PRR27: variants seen among roughly 807,000 people sequenced by gnomAD.
PRR27 encodes the protein proline-rich protein 27.
A neutral mutation model predicts 16.8 loss-of-function variants in PRR27; 12 were observed. That is an observed-to-expected ratio of 0.71 (90% CI 0.46 to 1.16). PRR27 has a LOEUF of 1.16. Among genes scored for constraint, PRR27 ranks in the 50% most tolerant of loss-of-function variants. PRR27 has a pLI of 0.00. For synonymous variants in PRR27, 100 were observed against 98.4 expected (o/e 1.02, Z -0.10); for missense variants, 277 against 273.3 (o/e 1.01, Z -0.10).
rs371303125 is a variant in PRR27 at position 70,161,156 on chromosome 4, GTATATA to G, written c.649-411_649-406del. 5.4e-3 allele frequency among the ~76,000 whole-genome samples: 504 copies of G among 93,910 alleles called. 13 individuals carry two copies. The highest frequency in any genetic ancestry group is 0.022 in the African/African-American group (466 of 21,072). 61.6% of individuals were successfully genotyped at this position (93,910 alleles called of 152,430 possible). ...CATCTGCTGGGGTATTATGAACACT[GTATATA>G]TATATATATATATATATACACACAT... On this transcript the variant is annotated intron_variant, in intron 3 of 4. Coordinates refer to ENST00000344526, the MANE Select transcript of PRR27 (RefSeq NM_214711.4).
chr4:70,156,349 A>G (rs757601450), intron 2 of PRR27, among the ~76,000 whole-genome samples: 6 of 152,200 alleles, frequency 3.9e-5, no homozygotes, highest in Non-Finnish European at 8.8e-5. Context: ...TGCCATGCCA[A>G]GGTTTTCCCC....
At position 70,158,524 on chromosome 4, in the gene PRR27, GTGGTT is replaced by G; in HGVS notation, c.274_278del (p.Gly92SerfsTer14). 6.2e-7 allele frequency: 1 copy of G among 1,614,066 alleles called. No individual in the cohort carries two copies. The highest frequency in any genetic ancestry group is 1.1e-5 in the South Asian group (1 of 91,080). ...GGATTCCCCTATGTCTATCACATCC[GTGGTT>G]TTCCCTTAGCTACTCAGTTGAATGT... On this transcript the variant is annotated frameshift_variant, in exon 3 of 5. Coordinates refer to ENST00000344526, the MANE Select transcript of PRR27 (RefSeq NM_214711.4). LOFTEE classifies it high-confidence loss of function.
chr4:70,162,755 C>T lies in PRR27; in HGVS notation c.*94C>T, dbSNP rs1357598159. ...TTTCTTTCTTTTCCAAAGACTATTT[C>T]ATTCTGTTGTATTCAGAGTATTCAT... is the stretch of plus-strand genomic sequence containing the variant. On this transcript the variant is annotated 3_prime_UTR_variant, in exon 5 of 5. Transcript: ENST00000344526. 3 of 152,104 alleles carry T rather than the reference C, an allele frequency of 2.0e-5. No individual in the cohort carries two copies. The highest frequency in any genetic ancestry group is 7.2e-5 in the African/African-American group (3 of 41,418). 9.4% of individuals were successfully genotyped at this position (152,104 alleles called of 1,614,324 possible).
At position 70,163,065 on chromosome 4, in the gene PRR27, A is replaced by T. The variant is rs1192301385; in HGVS notation, c.*404A>T. 2.0e-5 allele frequency: 3 copies of T among 152,192 alleles called. No homozygotes were observed. Among genetic ancestry groups the T allele is most frequent in the African/African-American group, 7.2e-5 (3 of 41,444 alleles). The allele number at this position is 152,192 out of a possible 1,614,324, so 9.4% of individuals were successfully genotyped here. On this transcript the variant is annotated 3_prime_UTR_variant, in exon 5 of 5. Transcript: ENST00000344526. ...ACTTTTTGTCACAAAACAGTAAAACATCTGTGTTTAACCTATGGTAAACAA... is the reference window on the plus strand; with the variant it reads ...ACTTTTTGTCACAAAACAGTAAAACTTCTGTGTTTAACCTATGGTAAACAA...
At position 70,160,443 on chromosome 4, in the gene PRR27, C is replaced by CTCTCTCTCTCTCTGTGTGTGTG. The variant is rs1298386504; in HGVS notation, c.649-1142_649-1141insCTCTCTCTCTCTGTGTGTGTGT. Among the ~76,000 whole-genome samples the CTCTCTCTCTCTCTGTGTGTGTG allele has an allele frequency of 9.6e-4, 66 of 68,696 alleles. 1 individual carries two copies. The highest frequency in any genetic ancestry group is 2.6e-3 in the South Asian group (3 of 1,164). 45.1% of individuals were successfully genotyped at this position (68,696 alleles called of 152,430 possible). On this transcript the variant is annotated intron_variant, in intron 3 of 4. Transcript: ENST00000344526. The stretch of plus-strand genomic sequence containing the variant: ...TCTCTCTCTCTCTCTCTCTCTCTCT[C>CTCTCTCTCTCTCTGTGTGTGTG]TGTGTGTGTGTGTGTGTGTGTGTGT...
At chr4:70,158,289 C>A (rs368529583) in intron 2 of PRR27, 39 bp from the exon 3 acceptor site, 3 of 571,402 alleles carry the variant, frequency 5.3e-6, no homozygotes, top group Admixed American at 3.8e-5. Flanking sequence ...ATAGACAGGA[C>A]AAATACAATC....
chr4:70,164,597 C>A lies in PRR27; in HGVS notation c.*1936C>A, dbSNP rs945447983. 2.6e-5 allele frequency: 4 copies of A among 152,046 alleles called. No homozygotes were observed. Among genetic ancestry groups the A allele is most frequent in the Non-Finnish European group, 5.9e-5 (4 of 67,982 alleles). The allele number at this position is 152,046 out of a possible 1,614,324, so 9.4% of individuals were successfully genotyped here. A position where few individuals can be genotyped will look rare whatever the true frequency, so the allele number is the denominator to read the frequency against. ...GTCTTTCACAGATACATGCAATATT[C>A]ACTTCTAAATATTTAATGATAAATT... On this transcript the variant is annotated 3_prime_UTR_variant, in exon 5 of 5. Transcript: ENST00000344526.
Position 70,156,076 on chromosome 4 carries a change from AG to A in PRR27, c.75+1del. 7.0e-7 allele frequency: 1 copy of A among 1,424,550 alleles called. No homozygotes were observed. The highest frequency in any genetic ancestry group is 1.4e-5 in the South Asian group (1 of 71,282). The allele number at this position is 1,424,550 out of a possible 1,614,324, so 88.2% of individuals were successfully genotyped here. ...ARKRRFPFIG[E>X]DDNDDGHPLH... is the part of the protein sequence containing the mutation. The stretch of plus-strand genomic sequence containing the variant: ...TAGAGACGGTTCCCCTTCATTGGTG[AG>A]GTAAAACTTTTTTTTCTTTACACGC... On this transcript the variant is annotated frameshift_variant and splice_region_variant, in exon 2 of 5. Coordinates refer to ENST00000344526, the MANE Select transcript of PRR27 (RefSeq NM_214711.4). LOFTEE classifies it high-confidence loss of function.
chr4:70,155,662 C>T (rs866534582), intron 1 of PRR27, among the ~76,000 whole-genome samples: 1 of 151,350 alleles, frequency 6.6e-6, no homozygotes, highest in Non-Finnish European at 1.5e-5. Context: ...CCATTGCGCC[C>T]GTCGCAAAGG....
chr4:70,161,185 CAT>C (rs1560470564), intron 3 of PRR27, among the ~76,000 whole-genome samples: 32 of 48,566 alleles, frequency 6.6e-4, no homozygotes, highest in Non-Finnish European at 9.4e-4. Flanking sequence ...TATATACACA[CAT>C]ACATATATAT....
At chr4:70,155,922 T>G in intron 1 of PRR27, 132 bp from the exon 2 acceptor site, 1 of 595,364 alleles carries the variant, frequency 1.7e-6, no homozygotes, top group Non-Finnish European at 3.0e-6. Flanking sequence ...AAATTCATAT[T>G]AGTTACTCAA....
At chr4:70,162,322 A>C (rs1335765693) in intron 4 of PRR27, among the ~76,000 whole-genome samples, 1 of 152,230 alleles carries the variant, frequency 6.6e-6, no homozygotes, top group African/African-American at 2.4e-5. Context: ...ATTGAAAAGC[A>C]AATGTGATGG....
intron 1 of PRR27, among the ~76,000 whole-genome samples, chr4:70,155,479 C>T (rs964720588): frequency 2.0e-5 from 3 of 151,996 alleles, no homozygotes; most frequent in African/African-American, 7.2e-5. Context: ...ATTCTCCTGC[C>T]TCACTCAGCC....
Position 70,166,349 on chromosome 4 carries a change from T to C in PRR27, c.*3688T>C, listed in dbSNP as rs1728766883. The C allele has an allele frequency of 6.6e-6, 1 of 152,098 alleles. No individual in the cohort carries two copies. Among genetic ancestry groups the C allele is most frequent in the African/African-American group, 2.4e-5 (1 of 41,442 alleles). The allele number at this position is 152,098 out of a possible 1,614,324, so 9.4% of individuals were successfully genotyped here. On this transcript the variant is annotated 3_prime_UTR_variant, in exon 5 of 5. Coordinates refer to ENST00000344526, the MANE Select transcript of PRR27 (RefSeq NM_214711.4). ...TTCATTATTTATATTATCACATGCA[T>C]ATATGTGTGTATGTATATATGTGTG...
At chr4:70,161,723 A>G in intron 4 of PRR27, 93 bp downstream of exon 4, 1 of 540,418 alleles carries the variant, frequency 1.9e-6, no homozygotes, top group South Asian at 4.2e-5. Flanking sequence ...TATATTTTTT[A>G]CTACATGAAA....
chr4:70,160,437 C>G (rs375059480), intron 3 of PRR27, among the ~76,000 whole-genome samples: 1,503 of 77,776 alleles, frequency 0.019, 13 homozygotes, highest in South Asian at 0.051. Flanking sequence ...CTCTCTCTCT[C>G]TCTCTCTGTG....
Position 70,157,527 on chromosome 4 carries a change from A to G in PRR27, c.76-801A>G, listed in dbSNP as rs372657090. Among the ~76,000 whole-genome samples the G allele has an allele frequency of 8.6e-5, 13 of 151,678 alleles. No homozygotes were observed. The East Asian group carries it at 2.1e-3, about 25-fold the overall frequency. ...GTCTTGTTTATTTATTTTTATTTATATATATTTTTTGAGACAGAGTCTCAC... is the reference window on the plus strand; with the variant it reads ...GTCTTGTTTATTTATTTTTATTTATGTATATTTTTTGAGACAGAGTCTCAC... On this transcript the variant is annotated intron_variant, in intron 2 of 4. Coordinates refer to ENST00000344526, the MANE Select transcript of PRR27 (RefSeq NM_214711.4).
At chr4:70,155,693 GCACA>G (rs72148610) in intron 1 of PRR27, among the ~76,000 whole-genome samples, 17 of 150,302 alleles carry the variant, frequency 1.1e-4, no homozygotes, top group East Asian at 3.9e-4. Flanking sequence ...ACACACAGAT[GCACA>G]CACACACACA....
At position 70,162,833 on chromosome 4, in the gene PRR27, G is replaced by GA. The variant is rs753959202; in HGVS notation, c.*178dup. On this transcript the variant is annotated 3_prime_UTR_variant, in exon 5 of 5. Coordinates refer to ENST00000344526, the MANE Select transcript of PRR27 (RefSeq NM_214711.4). ...TTTTTCCTTGGACTTAATTTATATT[G>GA]AAAAAACATTGATAATTAAATAAAT... The GA allele has an allele frequency of 1.3e-5, 2 of 151,920 alleles. No homozygotes were observed. Among genetic ancestry groups the GA allele is most frequent in the Non-Finnish European group, 2.9e-5 (2 of 67,996 alleles). 9.4% of individuals were successfully genotyped at this position (151,920 alleles called of 1,614,324 possible). A position where few individuals can be genotyped will look rare whatever the true frequency, so the allele number is the denominator to read the frequency against.
Sources: allele counts gnomAD v4.1 joint callset (sites outside exome capture counted in the v4.1 genomes callset), GRCh38; gene constraint gnomAD v4.1.1; transcripts MANE v1.5; gene names NCBI Gene and HGNC (gene_info 2026-07-23, HGNC 2026-07-21).